Variants in PCSK2 observed in about 807,000 individuals in gnomAD.
PCSK2 encodes proprotein convertase subtilisin/kexin type 2, also known as neuroendocrine convertase 2.
In PCSK2, 14 loss-of-function variants were observed where a neutral mutation model predicts 69.7. That is an observed-to-expected ratio of 0.20 (90% CI 0.13 to 0.31). The LOEUF (loss-of-function observed/expected upper bound fraction) is 0.31. Ranked by LOEUF, PCSK2 falls within the 10% of genes least tolerant of loss-of-function variation. The pLI, the probability that PCSK2 is intolerant of heterozygous loss-of-function variation, is 1.00. For missense variants in PCSK2, 544 were observed against 842.5 expected (o/e 0.65, Z 4.39); for synonymous variants, 307 against 320.7 (o/e 0.96, Z 0.46).
At chr20:17,264,938 ACTGCAAGCT>A (rs1987535374) in intron 2 of PCSK2, among the ~76,000 whole-genome samples, 2 of 151,690 alleles carry the variant, frequency 1.3e-5, no homozygotes, top group Admixed American at 6.6e-5. Flanking sequence ...ATCTCAGCTC[ACTGCAAGCT>A]CTGCCTCCCG....
rs1330433425 is a variant in PCSK2 at position 17,369,237 on chromosome 20, C to T, written c.506-3C>T. 1 of 1,613,540 alleles carries T rather than the reference C, an allele frequency of 6.2e-7. No homozygotes were observed. ...TTCCTGTGTTATTGTTGTCTTTTCA[C>T]AGGGATTGACTATCTCCACCCGGAC... On this transcript the variant is annotated splice_region_variant and splice_polypyrimidine_tract_variant and intron_variant, in intron 4 of 11. Transcript: ENST00000262545.
intron 8 of PCSK2, among the ~76,000 whole-genome samples, chr20:17,443,819 C>A (rs939823145): frequency 1.3e-5 from 2 of 152,162 alleles, no homozygotes; most frequent in South Asian, 4.1e-4. Flanking sequence ...ATGCCGAGCC[C>A]GCTGAAGCTT....
chr20:17,382,738 A>C (rs1327661878), intron 5 of PCSK2, among the ~76,000 whole-genome samples: 5 of 152,098 alleles, frequency 3.3e-5, no homozygotes, highest in Non-Finnish European at 7.3e-5. Flanking sequence ...GGTCGTTACA[A>C]AGAACAAAGT....
rs568059392 is a variant in PCSK2, at chr20:17,330,315, C to T, written c.283-28012C>T. Among the ~76,000 whole-genome samples, 42 of 152,150 alleles carry T rather than the reference C, an allele frequency of 2.8e-4. 1 individual carries two copies. The South Asian group carries it at 7.7e-3, about 28-fold the overall frequency. On this transcript the variant is annotated intron_variant, in intron 2 of 11. Coordinates refer to ENST00000262545, the MANE Select transcript of PCSK2 (RefSeq NM_002594.5). ...AGTATATCAACTAAGAATTCTTGGCCGGGCACAGTGGCTCACACCTGTAAT... is the reference window on the plus strand; with the variant it reads ...AGTATATCAACTAAGAATTCTTGGCTGGGCACAGTGGCTCACACCTGTAAT...
intron 7 of PCSK2, 47 bp from the exon 8 acceptor site, chr20:17,436,661 G>A (rs138048369): frequency 6.0e-5 from 93 of 1,550,760 alleles, no homozygotes; most frequent in South Asian, 4.8e-4. Context: ...TGTCTCCTGC[G>A]AACTGGGGAA....
intron 1 of PCSK2, among the ~76,000 whole-genome samples, chr20:17,245,405 C>T (rs919139997): frequency 6.6e-6 from 1 of 152,180 alleles, no homozygotes; most frequent in Non-Finnish European, 1.5e-5. Context: ...GTTATTCTAG[C>T]TTTTTAAAGG....
At position 17,481,621 on chromosome 20, in the gene PCSK2, A is replaced by C. The variant is rs771849817; in HGVS notation, c.1468A>C (p.Thr490Pro). 2 of 1,613,928 alleles carry C rather than the reference A, an allele frequency of 1.2e-6. No individual in the cohort carries two copies. Among genetic ancestry groups the C allele is most frequent in the Middle Eastern group, 1.6e-4 (1 of 6,062 alleles). Residue 490 changes from threonine to proline, a missense_variant, in exon 12 of 12, where the codon ACA (threonine) becomes CCA (proline). Coordinates refer to ENST00000262545, the MANE Select transcript of PCSK2 (RefSeq NM_002594.5). ...CACTGGCAAGTTGGTGCTGACACTC[A>C]CAACCGACGCCTGTGAGGGGAAGGA... ...PSTGKLVLTLTTDACEGKENF... is the reference protein window; with the variant it reads ...PSTGKLVLTLPTDACEGKENF...
At chr20:17,378,320 C>T (rs913619283) in intron 5 of PCSK2, among the ~76,000 whole-genome samples, 44 of 152,132 alleles carry the variant, frequency 2.9e-4, no homozygotes, top group African/African-American at 1.1e-3. Flanking sequence ...CAATACGATA[C>T]TAGACAAATG....
At chr20:17,250,114 A>C (rs1275424154) in intron 1 of PCSK2, among the ~76,000 whole-genome samples, 1 of 152,228 alleles carries the variant, frequency 6.6e-6, no homozygotes, top group Non-Finnish European at 1.5e-5. Context: ...AAAATTACCA[A>C]AGGCAGGAAA....
intron 2 of PCSK2, among the ~76,000 whole-genome samples, chr20:17,298,796 C>T (rs1022501131): frequency 6.6e-6 from 1 of 152,162 alleles, no homozygotes; most frequent in African/African-American, 2.4e-5. Context: ...GACACACTCA[C>T]TGGAAGCAGA....
chr20:17,237,044 C>T (rs1986368573), intron 1 of PCSK2, among the ~76,000 whole-genome samples: 1 of 151,992 alleles, frequency 6.6e-6, no homozygotes, highest in Non-Finnish European at 1.5e-5. Context: ...TATGGTGGCA[C>T]CAGCAGACAT....
At position 17,260,344 on chromosome 20, in the gene PCSK2, G is replaced by A. The variant is rs1469126119; in HGVS notation, c.282G>A (p.Arg94=). 3 of 1,607,602 alleles carry A rather than the reference G, an allele frequency of 1.9e-6. No individual in the cohort carries two copies. The highest frequency in any genetic ancestry group is 1.1e-5 in the South Asian group (1 of 90,960). The change falls in exon 2 of 12, where the codon AGG becomes AGA. Residue 94 remains arginine (R), a splice_region_variant and synonymous_variant. Transcript: ENST00000262545. ...HHKQQLERDP[R]VKMALQQEGF... ...AGCAGCAGCTGGAGAGAGACCCCAG[G>A]GTGAGTTTTCCCCAGAAACCTGCCT...
At chr20:17,424,504 G>GT (rs915480927) in intron 6 of PCSK2, among the ~76,000 whole-genome samples, 12 of 152,004 alleles carry the variant, frequency 7.9e-5, no homozygotes, top group African/African-American at 2.9e-4. Flanking sequence ...GTTGTTTTTT[G>GT]TTTTTTGAGA....
At chr20:17,363,111 A>G (rs2030457745) in intron 4 of PCSK2, among the ~76,000 whole-genome samples, 1 of 152,256 alleles carries the variant, frequency 6.6e-6, no homozygotes, top group Admixed American at 6.5e-5. Flanking sequence ...CTAAGGGCAA[A>G]ACTAATGTCA....
intron 2 of PCSK2, among the ~76,000 whole-genome samples, chr20:17,320,446 C>T (rs538395120): frequency 2.6e-5 from 4 of 152,366 alleles, no homozygotes; most frequent in Non-Finnish European, 5.9e-5. Context: ...AGCCAGCCCA[C>T]TTGATCTAAA....
chr20:17,410,156 AG>A (rs1401924466), intron 6 of PCSK2, among the ~76,000 whole-genome samples: 1 of 152,152 alleles, frequency 6.6e-6, no homozygotes, highest in African/African-American at 2.4e-5. Context: ...TGGCACTCTA[AG>A]TAGCACATAA....
intron 5 of PCSK2, among the ~76,000 whole-genome samples, chr20:17,399,536 C>T (rs887609324): frequency 6.6e-6 from 1 of 152,116 alleles, no homozygotes; most frequent in Admixed American, 6.5e-5. Flanking sequence ...TTTCTGCCTG[C>T]CAATGCTTGC....
At chr20:17,303,653 T>C (rs1464859809) in intron 2 of PCSK2, among the ~76,000 whole-genome samples, 1 of 144,600 alleles carries the variant, frequency 6.9e-6, no homozygotes, top group African/African-American at 2.6e-5. Flanking sequence ...CTCAGCTCAC[T>C]GCAACCTCTG....
intron 1 of PCSK2, among the ~76,000 whole-genome samples, chr20:17,249,461 C>G (rs542971017): frequency 6.9e-6 from 1 of 145,728 alleles, no homozygotes; most frequent in Admixed American, 7.1e-5. Flanking sequence ...GAGCCGAGAT[C>G]GCGCCACTGC....
Sources: allele counts gnomAD v4.1 joint callset (sites outside exome capture counted in the v4.1 genomes callset), GRCh38; gene constraint gnomAD v4.1.1; transcripts MANE v1.5; gene names NCBI Gene and HGNC (gene_info 2026-07-23, HGNC 2026-07-21).